Variants in ABR observed in about 807,000 individuals in gnomAD.
The protein encoded by ABR is ABR activator of RhoGEF and GTPase, also known as active breakpoint cluster region-related protein.
Under a neutral mutation model 107.2 loss-of-function variants are expected in ABR, and 35 were observed. The ratio of observed to expected loss-of-function variants is 0.33; its 90% CI spans 0.25 to 0.43. The LOEUF is 0.43. ABR is among the 20% of genes least tolerant of loss of function. ABR has a pLI of 1.00. For missense variants in ABR, 815 were observed against 1,115.2 expected, an observed-to-expected ratio of 0.73 and a Z score of 3.83; for synonymous variants, 498 against 462.0, an observed-to-expected ratio of 1.08 and a Z score of -1.00.
intron 1 of ABR, among the ~76,000 whole-genome samples, chr17:1,141,709 T>C (rs11247580): frequency 0.41 from 62,387 of 151,786 alleles, 13,079 homozygotes; most frequent in Middle Eastern, 0.5. Flanking sequence ...AACTCTGCTG[T>C]TCATCAGTCA....
chr17:1,198,006 C>T (rs1021931284), intron 1 of ABR, among the ~76,000 whole-genome samples: 2 of 151,730 alleles, frequency 1.3e-5, no homozygotes, highest in Admixed American at 6.6e-5. Flanking sequence ...CGCAGCCCCA[C>T]GCTGTGGGTT....
intron 16 of ABR, among the ~76,000 whole-genome samples, chr17:1,028,850 ACTTC>A (rs1470900930): frequency 6.6e-6 from 1 of 151,144 alleles, no homozygotes; most frequent in East Asian, 2.0e-4. Context: ...AAGGGCCTCA[ACTTC>A]CCCGACAGAC....
intron 1 of ABR, among the ~76,000 whole-genome samples, chr17:1,213,351 A>C (rs1364138246): frequency 6.6e-6 from 1 of 152,176 alleles, no homozygotes; most frequent in Non-Finnish European, 1.5e-5. Context: ...GTGACTAAGC[A>C]GGTACTATTT....
chr17:1,091,803 G>A lies in ABR; in HGVS notation c.393C>T (p.Leu131=). The part of the protein sequence containing the change: ...KATATTSQPV[L]TIQQIETIFY... ...AGATGGTCTCGATCTGCTGGATGGTGAGCACGGGCTGGGAGGTGGTGGCGG... is the reference window on the plus strand; with the variant it reads ...AGATGGTCTCGATCTGCTGGATGGTAAGCACGGGCTGGGAGGTGGTGGCGG... The change falls in exon 4 of 23, where the codon CTC becomes CTT. Residue 131 remains leucine, a synonymous_variant. Coordinates refer to ENST00000302538, the MANE Select transcript of ABR (RefSeq NM_021962.5). 2 of 1,614,168 alleles carry A rather than the reference G, an allele frequency of 1.2e-6. No homozygotes were observed. The highest frequency in any genetic ancestry group is 1.3e-5 in the African/African-American group (1 of 75,052).
At chr17:1,211,558 CAT>C (rs1238155370) in intron 1 of ABR, among the ~76,000 whole-genome samples, 1 of 152,174 alleles carries the variant, frequency 6.6e-6, no homozygotes, top group Non-Finnish European at 1.5e-5. Flanking sequence ...TAGATTTCCT[CAT>C]TAATCCCCAC....
intron 2 of ABR, among the ~76,000 whole-genome samples, chr17:1,110,965 A>T (rs1015655546): frequency 6.5e-4 from 99 of 152,284 alleles, no homozygotes; most frequent in African/African-American, 2.2e-3. Context: ...GGCTGTGGCG[A>T]GGGCTTGGGA....
intron 1 of ABR, among the ~76,000 whole-genome samples, chr17:1,185,374 G>A (rs1258200705): frequency 1.3e-5 from 2 of 152,174 alleles, no homozygotes; most frequent in Non-Finnish European, 2.9e-5. Flanking sequence ...GCCAGGCACA[G>A]TGGCTCACGC....
chr17:1,208,887 CAAA>C (rs544264330), intron 1 of ABR, among the ~76,000 whole-genome samples: 3 of 64,702 alleles, frequency 4.6e-5, no homozygotes, highest in Non-Finnish European at 6.5e-5. Context: ...GACTCCGTCT[CAAA>C]AAAAAAAAAA....
intron 5 of ABR, among the ~76,000 whole-genome samples, chr17:1,082,791 C>A (rs977072298): frequency 2.0e-5 from 3 of 152,168 alleles, no homozygotes; most frequent in African/African-American, 7.2e-5. Context: ...GCCAGGAAAT[C>A]TGTGTTTTAA....
At chr17:1,191,785 C>T (rs1357136296), upstream of ABR, among the ~76,000 whole-genome samples, 1 of 152,098 alleles carries the variant, frequency 6.6e-6, no homozygotes, top group Non-Finnish European at 1.5e-5. Context: ...CTGCTACCTG[C>T]GCCCAGGCTG....
chr17:1,202,613 CAT>C (rs1409991705), intron 1 of ABR, among the ~76,000 whole-genome samples: 2 of 152,142 alleles, frequency 1.3e-5, no homozygotes, highest in Non-Finnish European at 2.9e-5. Flanking sequence ...CACATCTTCA[CAT>C]ATGAGCTGGC....
intron 14 of ABR, chr17:1,055,298 G>A (rs1021708169): frequency 2.3e-4 from 35 of 152,202 alleles, no homozygotes; most frequent in African/African-American, 7.7e-4. Flanking sequence ...GGGGGAAGGG[G>A]AGAAAAAGCG....
chr17:1,171,289 G>T (rs1038673724), intron 1 of ABR, among the ~76,000 whole-genome samples: 1 of 152,180 alleles, frequency 6.6e-6, no homozygotes, highest in African/African-American at 2.4e-5. Flanking sequence ...TGCCCAGGAG[G>T]AAGGGGTTAG....
intron 2 of ABR, among the ~76,000 whole-genome samples, chr17:1,124,156 G>C (rs914992586): frequency 1.3e-5 from 2 of 152,138 alleles, no homozygotes; most frequent in Non-Finnish European, 2.9e-5. Flanking sequence ...AGAGCTCTGT[G>C]GGGGGTGGAG....
intron 1 of ABR, among the ~76,000 whole-genome samples, chr17:1,146,687 A>G (rs1235546383): frequency 2.2e-5 from 3 of 138,450 alleles, no homozygotes; most frequent in Non-Finnish European, 4.6e-5. Flanking sequence ...CTGCCACACG[A>G]CACCACTGCC....
At chr17:1,069,234 G>A (rs1294174293) in intron 9 of ABR, among the ~76,000 whole-genome samples, 1 of 152,178 alleles carries the variant, frequency 6.6e-6, no homozygotes, top group Non-Finnish European at 1.5e-5. Context: ...CAGCGCGGCA[G>A]GAGTCGGACC....
rs118008886 is a variant in ABR, at chr17:1,003,747, C to G, written c.*2333G>C. ...GCCCAGCAAGAACAGGCAGACCTGG[C>G]GTTTCTTAGCCTGACTCCTGCTGGG... On this transcript the variant is annotated 3_prime_UTR_variant, in exon 23 of 23. Coordinates refer to ENST00000302538, the MANE Select transcript of ABR (RefSeq NM_021962.5). 442 of 152,548 alleles carry G rather than the reference C, an allele frequency of 2.9e-3. 7 individuals are homozygous for G. In the South Asian group the frequency reaches 0.033, roughly 11 times the overall value. 9.4% of individuals were successfully genotyped at this position (152,548 alleles called of 1,614,324 possible).
chr17:1,035,780 C>A (rs778761816), intron 16 of ABR, among the ~76,000 whole-genome samples: 1 of 149,362 alleles, frequency 6.7e-6, no homozygotes, highest in African/African-American at 2.5e-5. Flanking sequence ...CCTCCCTCAG[C>A]CCCTCCCCAG....
rs778756776 is a variant in ABR, at chr17:1,079,337, GGTGACAGAC to G, written c.684_692del (p.Ser229_Thr231del). The G allele has an allele frequency of 1.9e-5, 30 of 1,613,494 alleles. No individual in the cohort carries two copies. The highest frequency in any genetic ancestry group is 2.4e-5 in the Non-Finnish European group (28 of 1,179,682). On this transcript the variant is annotated inframe_deletion, in exon 6 of 23. Transcript: ENST00000302538. ...GCCCGCTCCCCGAGGTACCTTCCAT[GGTGACAGAC>G]GTGTGGCTGTCCTTGGAGTCCTTGG...
Sources: allele counts gnomAD v4.1 joint callset (sites outside exome capture counted in the v4.1 genomes callset), GRCh38; gene constraint gnomAD v4.1.1; transcripts MANE v1.5; gene names NCBI Gene and HGNC (gene_info 2026-07-23, HGNC 2026-07-21).